MTMR8: variants seen among roughly 807,000 people sequenced by gnomAD.
MTMR8 encodes phosphatidylinositol-3,5-bisphosphate 3-phosphatase MTMR8.
Under a neutral mutation model 39.3 loss-of-function variants are expected in MTMR8, and 65 were observed. The ratio of observed to expected loss-of-function variants is 1.65; its 90% confidence interval spans 1.35 to 2.03. The LOEUF is 2.03. Ranked by LOEUF, MTMR8 falls within the 30% of genes most tolerant of loss-of-function variation. The pLI is 0.00. For missense variants in MTMR8, 777 were observed against 538.9 expected (o/e 1.44, Z -4.37); for synonymous variants, 245 against 185.2 (o/e 1.32, Z -2.62).
chrX:64,381,824 C>T (rs1307984530), intron 1 of MTMR8, among the ~76,000 whole-genome samples: 2 of 111,596 alleles, frequency 1.8e-5, no homozygotes, highest in African/African-American at 3.3e-5. Flanking sequence ...CTACATATGG[C>T]TAGCCAGTTT....
At chrX:64,353,055 T>A (rs1455869765) in intron 4 of MTMR8, among the ~76,000 whole-genome samples, 1 of 111,741 alleles carries the variant, frequency 8.9e-6, no homozygotes. Context: ...TCCAGACATT[T>A]ACAGTTCAGT....
chrX:64,395,006 AT>A (rs1453127824), intron 1 of MTMR8, among the ~76,000 whole-genome samples: 2 of 112,314 alleles, frequency 1.8e-5, no homozygotes, highest in African/African-American at 6.5e-5. Context: ...TGCAGCTAGT[AT>A]AAAAAGCTGA....
chrX:64,367,772 A>G (rs1217384987), intron 1 of MTMR8, among the ~76,000 whole-genome samples: 1 of 111,662 alleles, frequency 9.0e-6, no homozygotes, highest in African/African-American at 3.3e-5. Flanking sequence ...CAATCAGGCA[A>G]GAGAAAGAAA....
In MTMR8 at chrX:64,364,906, G is replaced by A. The variant is rs1237765463; in HGVS notation, c.25-5379C>T. On this transcript the variant is annotated intron_variant, in intron 1 of 13. Transcript: ENST00000374852. ...GGCTAACTAGAATAAACAGTGTAGA[G>A]AAGACCTTAAATGACCCGATGGAGC... is the stretch of plus-strand genomic sequence containing the variant. Among the ~76,000 whole-genome samples the A allele has an allele frequency of 4.5e-5, 5 of 111,509 alleles. No homozygotes were observed. In the South Asian group the frequency reaches 1.9e-3, roughly 43 times the overall value.
chrX:64,278,970 T>C (rs1445248466), intron 12 of MTMR8, among the ~76,000 whole-genome samples: 1 of 111,588 alleles, frequency 9.0e-6, no homozygotes, highest in Non-Finnish European at 1.9e-5. Flanking sequence ...ACCTGCCAGA[T>C]GCCAGCCAGA....
chrX:64,324,899 A>G (rs976037168), intron 12 of MTMR8, among the ~76,000 whole-genome samples: 3 of 109,825 alleles, frequency 2.7e-5, no homozygotes, highest in African/African-American at 1.0e-4. Flanking sequence ...AAAGATAAAC[A>G]AAATTGAGAT....
At chrX:64,381,163 T>C (rs978537284) in intron 1 of MTMR8, among the ~76,000 whole-genome samples, 2 of 112,051 alleles carry the variant, frequency 1.8e-5, no homozygotes, top group Non-Finnish European at 3.8e-5. Context: ...CCCTGAGGAA[T>C]CGCCACACTG....
intron 1 of MTMR8, among the ~76,000 whole-genome samples, chrX:64,365,365 G>T (rs1259356942): frequency 9.1e-6 from 1 of 110,244 alleles, no homozygotes; most frequent in Admixed American, 9.7e-5. Context: ...AGAGAGAAAG[G>T]TCATGTTACA....
intron 1 of MTMR8, among the ~76,000 whole-genome samples, chrX:64,362,157 G>T (rs1923796936): frequency 9.1e-6 from 1 of 109,569 alleles, no homozygotes; most frequent in South Asian, 3.8e-4. Context: ...AACTTTAAAA[G>T]TCTAATGAAG....
intron 12 of MTMR8, among the ~76,000 whole-genome samples, chrX:64,304,893 TATATATATATATATAC>T (rs1260565624): frequency 3.3e-5 from 2 of 60,465 alleles, no homozygotes; most frequent in African/African-American, 1.8e-4. Flanking sequence ...TATATATATA[TATATATATATATATAC>T]ACATACATAT....
intron 1 of MTMR8, among the ~76,000 whole-genome samples, chrX:64,375,999 C>T (rs1266870443): frequency 9.0e-6 from 1 of 111,662 alleles, no homozygotes; most frequent in Admixed American, 9.5e-5. Flanking sequence ...TTCACTCTTT[C>T]CTGTTCCACC....
chrX:64,330,534 A>T (rs6524876), intron 11 of MTMR8, among the ~76,000 whole-genome samples: 26,872 of 111,273 alleles, frequency 0.24, 7,714 homozygotes, highest in African/African-American at 0.83. Flanking sequence ...AACAGCTACT[A>T]TCCTATTTCT....
At chrX:64,314,953 G>A (rs755692816) in intron 12 of MTMR8, among the ~76,000 whole-genome samples, 40 of 111,765 alleles carry the variant, frequency 3.6e-4, no homozygotes, top group Non-Finnish European at 6.0e-4. Context: ...AGACCAAGGG[G>A]TGCACAGATC....
At chrX:64,319,946 T>C (rs1334702600) in intron 12 of MTMR8, among the ~76,000 whole-genome samples, 12 of 111,475 alleles carry the variant, frequency 1.1e-4, no homozygotes, top group African/African-American at 3.3e-4. Context: ...TGAAGTAACT[T>C]ATTGGTAGCT....
intron 12 of MTMR8, chrX:64,306,332 CA>C: frequency 3.5e-6 from 1 of 289,828 alleles, no homozygotes; most frequent in Non-Finnish European, 7.0e-6. Context: ...CAGTGTTTGT[CA>C]AAGCCCATGC....
intron 12 of MTMR8, among the ~76,000 whole-genome samples, chrX:64,286,238 A>C (rs771640602): frequency 6.2e-5 from 7 of 112,325 alleles, no homozygotes; most frequent in South Asian, 3.7e-4. Context: ...GAAATGGATA[A>C]ATTCCTCGAC....
chrX:64,320,083 G>A (rs900702658), intron 12 of MTMR8, among the ~76,000 whole-genome samples: 1 of 111,136 alleles, frequency 9.0e-6, no homozygotes, highest in South Asian at 3.8e-4. Context: ...ATTTCGTTGA[G>A]CAGTGGTTTG....
rs373092397 is a variant in MTMR8, at chrX:64,389,157, T to C, written c.24+6183A>G. Among the ~76,000 whole-genome samples, 5 of 111,823 alleles carry C rather than the reference T, an allele frequency of 4.5e-5. 1 individual carries two copies. In the East Asian group the frequency reaches 8.4e-4, roughly 19 times the overall value. ...AATATGTAATACTTACATAAAGCAC[T>C]TAGAATAGTACCTGGCACATAGCAA... On this transcript the variant is annotated intron_variant, in intron 1 of 13. Transcript: ENST00000374852.
chrX:64,307,365 A>AT (rs1402800825), intron 12 of MTMR8, among the ~76,000 whole-genome samples: 3 of 112,257 alleles, frequency 2.7e-5, no homozygotes, highest in Admixed American at 1.9e-4. Context: ...TTTTACATTT[A>AT]AATTTATGAT....
Sources: allele counts gnomAD v4.1 joint callset (sites outside exome capture counted in the v4.1 genomes callset), GRCh38; gene constraint gnomAD v4.1.1; transcripts MANE v1.5; gene names NCBI Gene and HGNC (gene_info 2026-07-23, HGNC 2026-07-21).